The following LSAMP variants were observed in gnomAD, a reference collection of about 807,000 sequenced individuals.
LSAMP encodes limbic system-associated membrane protein.
Under a neutral mutation model 38.6 loss-of-function variants are expected in LSAMP, and 7 were observed. The observed-to-expected ratio is 0.18, with a 90% CI of 0.10 to 0.34. The LOEUF is 0.34. Among genes scored for constraint, LSAMP ranks in the 10% least tolerant of loss-of-function variants. The pLI is 1.00. For missense variants in LSAMP, 313 were observed against 420.0 expected (o/e 0.75, Z 2.23); for synonymous variants, 154 against 166.8 (o/e 0.92, Z 0.59).
At chr3:115,915,012 A>G (rs1304251999) in intron 3 of LSAMP, among the ~76,000 whole-genome samples, 3 of 152,008 alleles carry the variant, frequency 2.0e-5, no homozygotes, top group Non-Finnish European at 4.4e-5. Context: ...TACTTCTTTT[A>G]TTTTCCTGGA....
At chr3:115,861,685 G>A (rs758201484) in intron 3 of LSAMP, among the ~76,000 whole-genome samples, 3 of 152,170 alleles carry the variant, frequency 2.0e-5, no homozygotes, top group Non-Finnish European at 2.9e-5. Flanking sequence ...ATCACTTGGC[G>A]AATTAGGAGG....
At chr3:116,203,664 T>C (rs2046023301) in intron 1 of LSAMP, among the ~76,000 whole-genome samples, 1 of 151,058 alleles carries the variant, frequency 6.6e-6, no homozygotes, top group Non-Finnish European at 1.5e-5. Context: ...GTTTTTTTGT[T>C]CTTGCGATAG....
chr3:115,862,958 CCCTCTCCCAGGCTGG>C (rs1431722449), intron 3 of LSAMP, among the ~76,000 whole-genome samples: 2 of 152,182 alleles, frequency 1.3e-5, no homozygotes, highest in African/African-American at 2.4e-5. Context: ...TGAAAGCAGT[CCCTCTCCCAGGCTGG>C]GCCCATGCGC....
intron 3 of LSAMP, among the ~76,000 whole-genome samples, chr3:115,989,630 A>G (rs912112239): frequency 6.6e-6 from 1 of 152,044 alleles, no homozygotes; most frequent in African/African-American, 2.4e-5. Flanking sequence ...TTGGTCTGGT[A>G]TATCTTTTTG....
chr3:116,345,332 T>C (rs1045379192), intron 1 of LSAMP, among the ~76,000 whole-genome samples: 1 of 152,214 alleles, frequency 6.6e-6, no homozygotes. Flanking sequence ...AGTAACTTAA[T>C]ATTGTAAAAA....
At chr3:116,401,079 C>G (rs1411399943) in intron 1 of LSAMP, among the ~76,000 whole-genome samples, 1 of 152,176 alleles carries the variant, frequency 6.6e-6, no homozygotes, top group Non-Finnish European at 1.5e-5. Flanking sequence ...AAACCCTGGC[C>G]TCCAGGACAT....
chr3:116,189,554 T>C (rs924256697), intron 1 of LSAMP, among the ~76,000 whole-genome samples: 1 of 152,140 alleles, frequency 6.6e-6, no homozygotes, highest in African/African-American at 2.4e-5. Context: ...TCAACAGAGA[T>C]GGACAATCCC....
chr3:116,034,863 A>G (rs546300649), intron 2 of LSAMP, among the ~76,000 whole-genome samples: 2 of 152,310 alleles, frequency 1.3e-5, no homozygotes, highest in Non-Finnish European at 2.9e-5. Context: ...TTAAGCCTCA[A>G]AGAAAATCTT....
chr3:115,839,132 C>T (rs553066513), intron 6 of LSAMP, among the ~76,000 whole-genome samples: 1 of 152,230 alleles, frequency 6.6e-6, no homozygotes, highest in Non-Finnish European at 1.5e-5. Context: ...TGCACAGTGT[C>T]TTCCTTTTCC....
At chr3:116,417,706 G>A (rs2049069867) in intron 1 of LSAMP, among the ~76,000 whole-genome samples, 1 of 152,170 alleles carries the variant, frequency 6.6e-6, no homozygotes, top group African/African-American at 2.4e-5. Flanking sequence ...AGCTGGCTTG[G>A]TTTCCTATTC....
intron 1 of LSAMP, among the ~76,000 whole-genome samples, chr3:116,415,524 T>C (rs958734255): frequency 5.9e-5 from 9 of 152,054 alleles, no homozygotes; most frequent in African/African-American, 2.2e-4. Flanking sequence ...CAAAATGATC[T>C]AGAGGAGGGA....
chr3:116,057,967 A>ACACACACACC (rs60594472), intron 2 of LSAMP, among the ~76,000 whole-genome samples: 3,870 of 147,362 alleles, frequency 0.026, 64 homozygotes, highest in South Asian at 0.051. Context: ...CCACACACAC[A>ACACACACACC]CACACACACA....
chr3:115,831,140 A>C (rs1934595521), intron 6 of LSAMP, among the ~76,000 whole-genome samples: 1 of 152,200 alleles, frequency 6.6e-6, no homozygotes, highest in Admixed American at 6.5e-5. Context: ...TGGAATGGCA[A>C]GCAGCTGTGA....
chr3:116,366,346 G>C (rs185595698), intron 1 of LSAMP, among the ~76,000 whole-genome samples: 19 of 152,274 alleles, frequency 1.2e-4, no homozygotes, highest in Admixed American at 1.2e-3. Context: ...TGTGACTTCT[G>C]TCAAAAAGCA....
intron 1 of LSAMP, among the ~76,000 whole-genome samples, chr3:116,267,189 A>G (rs1040345373): frequency 2.0e-5 from 3 of 152,164 alleles, no homozygotes; most frequent in South Asian, 2.1e-4. Flanking sequence ...ACTTGCATCC[A>G]GAATATAAGA....
At chr3:116,209,854 C>A (rs1019076631) in intron 1 of LSAMP, among the ~76,000 whole-genome samples, 2 of 152,116 alleles carry the variant, frequency 1.3e-5, no homozygotes, top group East Asian at 1.9e-4. Context: ...CGGGTTGACG[C>A]CGTTCTCCTG....
At chr3:116,375,634 T>TA (rs1335130841) in intron 1 of LSAMP, among the ~76,000 whole-genome samples, 1 of 151,922 alleles carries the variant, frequency 6.6e-6, no homozygotes, top group Non-Finnish European at 1.5e-5. Flanking sequence ...TTGTTGTTTA[T>TA]AGTAACTACA....
intron 1 of LSAMP, among the ~76,000 whole-genome samples, chr3:116,213,509 G>C (rs1559785838): frequency 6.6e-6 from 1 of 152,112 alleles, no homozygotes. Flanking sequence ...GCTCAGTCTT[G>C]GGTGTGTCTT....
chr3:115,828,318 G>A (rs1387181203), intron 6 of LSAMP, among the ~76,000 whole-genome samples: 1 of 152,088 alleles, frequency 6.6e-6, no homozygotes, highest in Non-Finnish European at 1.5e-5. Context: ...TTAATACTTG[G>A]GAGAGTTTTT....
Sources: gnomAD v4.1 joint callset for allele counts (sites outside exome capture counted in the v4.1 genomes callset) on GRCh38, gnomAD v4.1.1 for gene constraint, MANE v1.5 for transcripts, NCBI Gene and HGNC (gene_info 2026-07-23, HGNC 2026-07-21) for gene names.